Variants in PPFIBP1 observed in about 807,000 individuals in gnomAD.
PPFIBP1 encodes liprin-beta-1.
A neutral mutation model predicts 137.8 loss-of-function variants in PPFIBP1; 112 were observed. The observed-to-expected ratio is 0.81, with a 90% CI of 0.70 to 0.95. The LOEUF is 0.95. Among genes scored for constraint, PPFIBP1 ranks in the 40% least tolerant of loss-of-function variants. PPFIBP1 has a pLI of 0.00. For synonymous variants in PPFIBP1, 378 were observed against 417.3 expected (o/e 0.91, Z 1.15); for missense variants, 1,083 against 1,196.6 (o/e 0.91, Z 1.40).
intron 2 of PPFIBP1, among the ~76,000 whole-genome samples, chr12:27,607,348 T>A (rs1248087333): frequency 6.6e-6 from 1 of 152,190 alleles, no homozygotes; most frequent in East Asian, 1.9e-4. Context: ...AAAGGGAGAA[T>A]GGCATTACTA....
chr12:27,628,492 T>C (rs921005630), intron 2 of PPFIBP1, among the ~76,000 whole-genome samples: 5 of 152,150 alleles, frequency 3.3e-5, no homozygotes, highest in African/African-American at 1.2e-4. Flanking sequence ...GATGGTGAAG[T>C]TGTAATTTTC....
At position 27,647,862 on chromosome 12, in the gene PPFIBP1, C is replaced by T. The variant is rs2058632176; in HGVS notation, c.471+20C>T. Reference sequence around the variant, plus strand: ...CAGCAGGTATGTGCAGAGGCCAGAACCAAGATGGGATTTCCCTGCTGAACT... The same window carrying T: ...CAGCAGGTATGTGCAGAGGCCAGAATCAAGATGGGATTTCCCTGCTGAACT... On this transcript the variant is annotated intron_variant, in intron 6 of 29. Transcript: ENST00000228425. 8 of 1,599,708 alleles carry T rather than the reference C, an allele frequency of 5.0e-6. No individual in the cohort carries two copies. Among genetic ancestry groups the T allele is most frequent in the Non-Finnish European group, 6.8e-6 (8 of 1,174,144 alleles).
At chr12:27,583,227 A>G in intron 2 of PPFIBP1, among the ~76,000 whole-genome samples, 1 of 152,186 alleles carries the variant, frequency 6.6e-6, no homozygotes, top group African/African-American at 2.4e-5. Flanking sequence ...GCTTTGTTCA[A>G]CAAATAAACA....
chr12:27,667,442 A>C, intron 13 of PPFIBP1, 122 bp downstream of exon 13: 2 of 847,912 alleles, frequency 2.4e-6, no homozygotes, highest in Non-Finnish European at 3.3e-6. Flanking sequence ...AACTCAAGTG[A>C]GGTTATATAA....
At chr12:27,534,613 A>G (rs956604623) in intron 1 of PPFIBP1, among the ~76,000 whole-genome samples, 1 of 151,468 alleles carries the variant, frequency 6.6e-6, no homozygotes, top group African/African-American at 2.4e-5. Flanking sequence ...ACTGTCTTTG[A>G]AGGAGGAATT....
chr12:27,590,074 C>T lies in PPFIBP1; in HGVS notation c.-36+11835C>T, dbSNP rs1229673780. ...CAACTCTTTAAGCTGTTGTATTTCA[C>T]TTTTTTAAAATTATATAGACAGGAT... is the stretch of plus-strand genomic sequence containing the variant. On this transcript the variant is annotated intron_variant, in intron 2 of 29. Coordinates refer to ENST00000228425, the MANE Select transcript of PPFIBP1 (RefSeq NM_003622.4). Among the ~76,000 whole-genome samples, 3 of 152,160 alleles carry T rather than the reference C, an allele frequency of 2.0e-5. No homozygotes were observed. The East Asian group carries it at 5.8e-4, about 29-fold the overall frequency.
chr12:27,691,385 G>A (rs1036025784), intron 27 of PPFIBP1, among the ~76,000 whole-genome samples: 33 of 151,988 alleles, frequency 2.2e-4, no homozygotes, highest in African/African-American at 7.5e-4. Context: ...AGGCCAGCCT[G>A]GGCAACATAG....
In PPFIBP1 at chr12:27,682,453, G is replaced by A. The variant is rs138046370; in HGVS notation, c.2113G>A (p.Glu705Lys). 3 of 1,614,098 alleles carry A rather than the reference G, an allele frequency of 1.9e-6. No homozygotes were observed. Among genetic ancestry groups the A allele is most frequent in the Non-Finnish European group, 2.5e-6 (3 of 1,179,950 alleles). Residue 705 changes from glutamate to lysine, a missense_variant, in exon 23 of 30, where the codon GAA becomes AAA. Coordinates refer to ENST00000228425, the MANE Select transcript of PPFIBP1 (RefSeq NM_003622.4). The part of the protein sequence containing the change: ...LQLALQALGS[E>K]EETNHGKLDF... ...GCTAGCACTCCAAGCCCTGGGATCT[G>A]AAGAAGAAACCAATCATGGGAAGCT...
In PPFIBP1 at chr12:27,674,811, ATTTTTTTTT is replaced by A. The variant is rs72418237; in HGVS notation, c.1410+603_1410+611del. Among the ~76,000 whole-genome samples the A allele has an allele frequency of 5.0e-3, 544 of 108,720 alleles. 2 individuals are homozygous for A. The highest frequency in any genetic ancestry group is 7.9e-3 in the Non-Finnish European group (452 of 57,058). 71.3% of individuals were successfully genotyped at this position (108,720 alleles called of 152,430 possible). ...ATGTGCTCAATTCTTCTTTCCCCTG[ATTTTTTTTT>A]TTTTTTTTTTTTGAAATGGTATCAC... On this transcript the variant is annotated intron_variant, in intron 17 of 29. Transcript: ENST00000228425.
intron 24 of PPFIBP1, among the ~76,000 whole-genome samples, chr12:27,685,593 T>G (rs1179135711): frequency 1.3e-5 from 2 of 152,106 alleles, no homozygotes; most frequent in Admixed American, 6.6e-5. Context: ...GAAATGGCTA[T>G]AAAAGAGTAA....
chr12:27,661,428 G>A (rs1470476291), intron 11 of PPFIBP1, among the ~76,000 whole-genome samples: 1 of 151,930 alleles, frequency 6.6e-6, no homozygotes, highest in East Asian at 1.9e-4. Flanking sequence ...CAGCGGCATG[G>A]GCTTTACGTT....
At chr12:27,604,229 A>G (rs1264257757) in intron 2 of PPFIBP1, among the ~76,000 whole-genome samples, 1 of 152,226 alleles carries the variant, frequency 6.6e-6, no homozygotes, top group Non-Finnish European at 1.5e-5. Flanking sequence ...GGTAGCCTAC[A>G]GTGTTTTTAT....
intron 1 of PPFIBP1, among the ~76,000 whole-genome samples, chr12:27,528,140 G>A (rs1592259332): frequency 2.0e-5 from 3 of 152,112 alleles, no homozygotes; most frequent in Admixed American, 2.0e-4. Context: ...GTAGAGACGG[G>A]GTTTCACCAT....
intron 1 of PPFIBP1, among the ~76,000 whole-genome samples, chr12:27,556,285 T>C (rs905035351): frequency 3.3e-5 from 5 of 152,242 alleles, no homozygotes; most frequent in African/African-American, 1.2e-4. Context: ...TGCATGTTAA[T>C]GAAACACATA....
At chr12:27,682,917 C>A (rs2060963646) in intron 24 of PPFIBP1, among the ~76,000 whole-genome samples, 1 of 151,990 alleles carries the variant, frequency 6.6e-6, no homozygotes, top group Non-Finnish European at 1.5e-5. Context: ...ATTTGAAACC[C>A]CAATGTAAGC....
At position 27,620,791 on chromosome 12, in the gene PPFIBP1, G is replaced by A. The variant is rs547113446; in HGVS notation, c.-35-12571G>A. On this transcript the variant is annotated intron_variant, in intron 2 of 29. Transcript: ENST00000228425. Reference sequence around the variant, plus strand: ...ATGAAAAGCACTAAAAACAGTGCCCGGTACAGAGTAAGCTAATGTTAATGT... The same window carrying A: ...ATGAAAAGCACTAAAAACAGTGCCCAGTACAGAGTAAGCTAATGTTAATGT... Among the ~76,000 whole-genome samples the A allele has an allele frequency of 2.6e-5, 4 of 152,102 alleles. 1 individual carries two copies. Among genetic ancestry groups the A allele is most frequent in the African/African-American group, 9.6e-5 (4 of 41,486 alleles).
intron 2 of PPFIBP1, among the ~76,000 whole-genome samples, chr12:27,628,379 A>G (rs756009550): frequency 6.6e-6 from 1 of 152,126 alleles, no homozygotes; most frequent in Non-Finnish European, 1.5e-5. Context: ...GGGTCTCACT[A>G]TGTGGCCCAG....
intron 6 of PPFIBP1, 46 bp downstream of exon 6, chr12:27,647,888 A>G: frequency 3.2e-6 from 5 of 1,571,304 alleles, no homozygotes; most frequent in Non-Finnish European, 4.3e-6. Flanking sequence ...CTGCTGAACT[A>G]TGTGAGATGC....
At chr12:27,585,641 G>C (rs1206951839) in intron 2 of PPFIBP1, among the ~76,000 whole-genome samples, 1 of 152,202 alleles carries the variant, frequency 6.6e-6, no homozygotes, top group Non-Finnish European at 1.5e-5. Flanking sequence ...GCACATTTTT[G>C]TAAGTCTGGA....
Sources: gnomAD v4.1 joint callset for allele counts (sites outside exome capture counted in the v4.1 genomes callset) on GRCh38, gnomAD v4.1.1 for gene constraint, MANE v1.5 for transcripts, NCBI Gene and HGNC (gene_info 2026-07-23, HGNC 2026-07-21) for gene names.